Variants in GPR4 observed in about 807,000 individuals in gnomAD.
The protein encoded by GPR4 is G protein-coupled receptor 4.
GPR4 carries 11 observed loss-of-function variants against 17.8 expected under a neutral mutation model. The ratio of observed to expected loss-of-function variants is 0.62; its 90% CI spans 0.39 to 1.02. GPR4 has a LOEUF of 1.02. Ranked by LOEUF, GPR4 falls within the 50% of genes least tolerant of loss-of-function variation. The pLI, the probability that GPR4 is intolerant of heterozygous loss-of-function variation, is 0.00. For synonymous variants in GPR4, 219 were observed against 222.8 expected (o/e 0.98, Z 0.15); for missense variants, 364 against 495.4 (o/e 0.73, Z 2.52).
In GPR4 at chr19:45,591,727, T is replaced by C. The variant is rs757931306; in HGVS notation, c.140A>G (p.Gln47Arg). 5 of 1,613,994 alleles carry C rather than the reference T, an allele frequency of 3.1e-6. No individual in the cohort carries two copies. The Admixed American group carries it at 6.7e-5, about 22-fold the overall frequency. ...GTAGACGCCCAGCTCGTTGCGCTGT[T>C]GCACCTGGCGGTAGGCCGCCCACAG... ...LALWAAYRQV[Q>R]QRNELGVYLM... The change falls in exon 2 of 2, where the codon CAA becomes CGA. Residue 47 changes from glutamine (Q) to arginine (R), a missense_variant. Coordinates refer to ENST00000323040, the MANE Select transcript of GPR4 (RefSeq NM_005282.3). This position sits in a 1 kb window ranked among gnomAD's most constrained non-coding sequence, Gnocchi z 7.6.
rs774169091 is a variant in GPR4, at chr19:45,591,089, A to G, written c.778T>C (p.Phe260Leu). 6.2e-7 allele frequency: 1 copy of G among 1,613,906 alleles called. No individual in the cohort carries two copies. The highest frequency in any genetic ancestry group is 1.1e-5 in the South Asian group (1 of 91,092). The change falls in exon 2 of 2, where the codon TTC (phenylalanine) becomes CTC (leucine). Residue 260 changes from phenylalanine to leucine, a missense_variant. This residue lies in a region of GPR4 where 271 missense variants were observed against 373.1 expected (regional missense o/e 0.73). Transcript: ENST00000323040. This position sits in a 1 kb window ranked among gnomAD's most constrained non-coding sequence, Gnocchi z 7.6. Reference sequence around the variant, plus strand: ...TATGCAGAAAAGACGCGCTCCTCGAAGCCGCAGTCCCAGGGGCGGCCCAGG... The same window carrying G: ...TATGCAGAAAAGACGCGCTCCTCGAGGCCGCAGTCCCAGGGGCGGCCCAGG... ...IYLGRPWDCG[F>L]EERVFSAYHS... is the part of the protein sequence containing the mutation.
chr19:45,591,790 A>T lies in GPR4; in HGVS notation c.77T>A (p.Phe26Tyr). The change falls in exon 2 of 2, where the codon TTT becomes TAT. Residue 26 changes from phenylalanine to tyrosine, a missense_variant. By Grantham distance (22) the Phe-to-Tyr change is conservative. Around this residue, in one of 3 missense-constraint regions of GPR4, gnomAD observed 271 missense variants for 373.1 expected, o/e 0.73. Transcript: ENST00000323040. The surrounding 1 kb of genome is among the most constrained non-coding windows in gnomAD (Gnocchi z 7.6). Reference protein sequence around the residue: ...DHLFPPSLYIFVIGVGLPTNC... With the variant: ...DHLFPPSLYIYVIGVGLPTNC... ...GGTGGGCAGCCCCACGCCGATGACAAAGATGTAGAGGGATGGCGGAAAGAG... is the reference window on the plus strand; with the variant it reads ...GGTGGGCAGCCCCACGCCGATGACATAGATGTAGAGGGATGGCGGAAAGAG... The T allele has an allele frequency of 6.2e-7, 1 of 1,612,492 alleles. No individual in the cohort carries two copies. The highest frequency in any genetic ancestry group is 8.5e-7 in the Non-Finnish European group (1 of 1,179,306).
At position 45,592,023 on chromosome 19, in the gene GPR4, C is replaced by G; in HGVS notation, c.-157G>C. ...CAGGGAAGAGATGAGGTTGGGTAGG[C>G]TGGGCTGGGCTGGGAAGGGCAGAGC... On this transcript the variant is annotated 5_prime_UTR_variant, in exon 2 of 2. Coordinates refer to ENST00000323040, the MANE Select transcript of GPR4 (RefSeq NM_005282.3). The G allele has an allele frequency of 1.5e-6, 1 of 674,838 alleles. No individual in the cohort carries two copies. The highest frequency in any genetic ancestry group is 2.4e-6 in the Non-Finnish European group (1 of 421,346). 41.8% of individuals were successfully genotyped at this position (674,838 alleles called of 1,614,324 possible).
chr19:45,593,526 G>A (rs201330903), intron 1 of GPR4, among the ~76,000 whole-genome samples: 12 of 138,886 alleles, frequency 8.6e-5, no homozygotes, highest in East Asian at 2.1e-4. Flanking sequence ...AGAAAAAAAA[G>A]AAAAAAAAAA....
intron 1 of GPR4, among the ~76,000 whole-genome samples, chr19:45,601,334 GAC>G (rs1287532972): frequency 6.6e-6 from 1 of 152,180 alleles, no homozygotes; most frequent in African/African-American, 2.4e-5. Context: ...AGTTAATGGT[GAC>G]CCAGCCAAAT....
At chr19:45,596,494 C>T (rs1009732471) in intron 1 of GPR4, among the ~76,000 whole-genome samples, 3 of 151,990 alleles carry the variant, frequency 2.0e-5, no homozygotes, top group South Asian at 2.1e-4. Context: ...CGTGAGCCAC[C>T]GCGCCCGGGC....
chr19:45,591,464 C>T lies in GPR4; in HGVS notation c.403G>A (p.Val135Met), dbSNP rs540270313. Residue 135 changes from valine to methionine, a missense_variant, in exon 2 of 2, where the codon GTG (valine) becomes ATG (methionine). Val to Met is a conservative substitution (Grantham distance 21). This residue lies in a region of GPR4 where 271 missense variants were observed against 373.1 expected (regional missense o/e 0.73). Transcript: ENST00000323040. This position sits in a 1 kb window ranked among gnomAD's most constrained non-coding sequence, Gnocchi z 7.6. ...GCCCAGACCACGGAGCTCACGGCCACGGCGGTCTTGACGCGGCGCAGGCGG... is the reference window on the plus strand; with the variant it reads ...GCCCAGACCACGGAGCTCACGGCCATGGCGGTCTTGACGCGGCGCAGGCGG... ...FARLRRVKTA[V>M]AVSSVVWATE... 10 of 1,609,634 alleles carry T rather than the reference C, an allele frequency of 6.2e-6. No homozygotes were observed. The African/African-American group carries it at 1.1e-4, about 17-fold the overall frequency.
chr19:45,595,752 C>G (rs1235049471), intron 1 of GPR4, among the ~76,000 whole-genome samples: 1 of 150,994 alleles, frequency 6.6e-6, no homozygotes, highest in Admixed American at 6.6e-5. Context: ...TTTTTTTCCC[C>G]CAACAAGATC....
Position 45,592,498 on chromosome 19 carries a change from G to C in GPR4, c.-632C>G, listed in dbSNP as rs569375798. 2 of 167,412 alleles carry C rather than the reference G, an allele frequency of 1.2e-5. No homozygotes were observed. The highest frequency in any genetic ancestry group is 2.9e-5 in the Non-Finnish European group (2 of 68,380). 10.4% of individuals were successfully genotyped at this position (167,412 alleles called of 1,614,324 possible). A position where few individuals can be genotyped will look rare whatever the true frequency, so the allele number is the denominator to read the frequency against. On this transcript the variant is annotated 5_prime_UTR_variant, in exon 2 of 2. Coordinates refer to ENST00000323040, the MANE Select transcript of GPR4 (RefSeq NM_005282.3). ...CTGGAAAAGGAGGTGTCTGGCACAG[G>C]GTGGACAAAGATAAAAGGCTCGGTC... is the stretch of plus-strand genomic sequence containing the variant.
At chr19:45,595,734 G>A (rs1041109811) in intron 1 of GPR4, among the ~76,000 whole-genome samples, 1 of 121,536 alleles carries the variant, frequency 8.2e-6, no homozygotes, top group Non-Finnish European at 1.7e-5. Context: ...GTGAAACCTG[G>A]CTTTTTTTTT....
In GPR4 at chr19:45,592,145, A is replaced by G. The variant is rs1212410823; in HGVS notation, c.-279T>C. The G allele has an allele frequency of 1.8e-5, 7 of 389,242 alleles. No homozygotes were observed. The highest frequency in any genetic ancestry group is 2.9e-5 in the Non-Finnish European group (6 of 205,916). The allele number at this position is 389,242 out of a possible 1,614,324, so 24.1% of individuals were successfully genotyped here. On this transcript the variant is annotated 5_prime_UTR_variant, in exon 2 of 2. Transcript: ENST00000323040. ...AAGAGGTTTTTCAAGGAGGTTATGT[A>G]TGGAGTCAGTGTGTCAACGAGGGAG...
At chr19:45,599,047 G>A (rs1970086134) in intron 1 of GPR4, among the ~76,000 whole-genome samples, 1 of 152,110 alleles carries the variant, frequency 6.6e-6, no homozygotes, top group Non-Finnish European at 1.5e-5. Flanking sequence ...TGTTGAGGGG[G>A]TAAACCCCCA....
intron 1 of GPR4, among the ~76,000 whole-genome samples, chr19:45,597,829 C>G (rs182960031): frequency 1.3e-5 from 2 of 152,082 alleles, no homozygotes; most frequent in Non-Finnish European, 2.9e-5. Context: ...AAGATCTATC[C>G]GCTTCTTAAT....
rs77680637 is a variant in GPR4 at position 45,598,485 on chromosome 19, G to A, written c.-832+3610C>T. 1.3e-3 allele frequency among the ~76,000 whole-genome samples: 205 copies of A among 152,034 alleles called. 3 individuals are homozygous for A. In the East Asian group the frequency reaches 0.027, roughly 20 times the overall value. ...TTGCTAATTTCCTCAAGGGGGAACC[G>A]GTCCAGCTCTCACCCCTCCTCCCTC... is the stretch of plus-strand genomic sequence containing the variant. On this transcript the variant is annotated intron_variant, in intron 1 of 1. Coordinates refer to ENST00000323040, the MANE Select transcript of GPR4 (RefSeq NM_005282.3).
chr19:45,591,456 C>CA lies in GPR4; in HGVS notation c.410dup (p.Ser138GlufsTer19), dbSNP rs1208349062. 1 of 1,607,532 alleles carries CA rather than the reference C, an allele frequency of 6.2e-7. No homozygotes were observed. The highest frequency in any genetic ancestry group is 1.7e-5 in the Admixed American group (1 of 57,322). On this transcript the variant is annotated frameshift_variant, in exon 2 of 2. Transcript: ENST00000323040. LOFTEE classifies it high-confidence loss of function. The surrounding 1 kb of genome is among the most constrained non-coding windows in gnomAD (Gnocchi z 7.6). ...GCTCCGTGGCCCAGACCACGGAGCT[C>CA]ACGGCCACGGCGGTCTTGACGCGGC...
chr19:45,594,542 C>T (rs796672134), intron 1 of GPR4, among the ~76,000 whole-genome samples: 28 of 151,142 alleles, frequency 1.9e-4, no homozygotes, highest in African/African-American at 6.5e-4. Context: ...ATTTTCAAGA[C>T]TCCTATGAGG....
intron 1 of GPR4, chr19:45,599,898 G>A (rs1373068863): frequency 6.6e-6 from 1 of 152,002 alleles, no homozygotes; most frequent in African/African-American, 2.4e-5. Flanking sequence ...ATTTTTTTAA[G>A]CATTCTATGA....
At chr19:45,594,078 A>ATATATATATATATATTTTATATATATTT (rs1555738343) in intron 1 of GPR4, among the ~76,000 whole-genome samples, 2 of 74,608 alleles carry the variant, frequency 2.7e-5, no homozygotes, top group African/African-American at 1.6e-4. Context: ...ATATATATAT[A>ATATATATATATATATTTTATATATATTT]TATATATATA....
At position 45,590,958 on chromosome 19, in the gene GPR4, G is replaced by T; in HGVS notation, c.909C>A (p.Asn303Lys). ...TGTCGCTGGCCAGAAAGCGGAGCAG[G>T]TTGTGCAGGGCCTTGGCCACATCGC... is the stretch of plus-strand genomic sequence containing the variant. ...ARSDVAKALHNLLRFLASDKP... is the reference protein window; with the variant it reads ...ARSDVAKALHKLLRFLASDKP... Residue 303 changes from asparagine to lysine, a missense_variant, in exon 2 of 2, where the codon AAC becomes AAA. Physicochemically the swap from Asn to Lys is moderately conservative, Grantham distance 94. Coordinates refer to ENST00000323040, the MANE Select transcript of GPR4 (RefSeq NM_005282.3). 6.2e-7 allele frequency: 1 copy of T among 1,614,024 alleles called. No individual in the cohort carries two copies. The highest frequency in any genetic ancestry group is 8.5e-7 in the Non-Finnish European group (1 of 1,180,040).
Sources: allele counts gnomAD v4.1 joint callset (sites outside exome capture counted in the v4.1 genomes callset), GRCh38; gene constraint gnomAD v4.1.1; regional missense constraint gnomAD v4.1.1; non-coding constraint Gnocchi (gnomAD v3.1); transcripts MANE v1.5; gene names NCBI Gene and HGNC (gene_info 2026-07-23, HGNC 2026-07-21).